PLEKHA6: variants seen among roughly 807,000 people sequenced by gnomAD.
PLEKHA6 encodes pleckstrin homology domain containing A6.
Under a neutral mutation model 116.7 loss-of-function variants are expected in PLEKHA6, and 60 were observed. The observed-to-expected ratio is 0.51, with a 90% CI of 0.42 to 0.64. The LOEUF is 0.64. Among genes scored for constraint, PLEKHA6 ranks in the 30% least tolerant of loss-of-function variants. The pLI is 0.00. For synonymous variants in PLEKHA6, 489 were observed against 556.1 expected, an observed-to-expected ratio of 0.88 and a Z score of 1.70; for missense variants, 1,338 against 1,422.7, an observed-to-expected ratio of 0.94 and a Z score of 0.96.
At chr1:204,368,057 G>C (rs187573671) in intron 2 of PLEKHA6, among the ~76,000 whole-genome samples, 16 of 152,328 alleles carry the variant, frequency 1.1e-4, no homozygotes, top group Admixed American at 9.8e-4. Flanking sequence ...AGCAAATAAT[G>C]AGAGATATGG....
At chr1:204,335,820 C>A (rs1330669532) in intron 1 of PLEKHA6, among the ~76,000 whole-genome samples, 1 of 152,128 alleles carries the variant, frequency 6.6e-6, no homozygotes, top group Non-Finnish European at 1.5e-5. Flanking sequence ...GGGCAGGGCA[C>A]ATCTGTACCT....
intron 1 of PLEKHA6, among the ~76,000 whole-genome samples, chr1:204,289,391 G>A (rs527655802): frequency 9.2e-5 from 14 of 152,260 alleles, no homozygotes; most frequent in Middle Eastern, 3.4e-3. Context: ...CCTCTTGCCA[G>A]CCCGGATTTA....
chr1:204,241,454 G>A lies in PLEKHA6; in HGVS notation c.2330C>T (p.Ser777Leu), dbSNP rs752795887. Residue 777 changes from serine (S) to leucine (L), a missense_variant, in exon 17 of 23, where the codon TCG becomes TTG. By Grantham distance (145) the Ser-to-Leu change is moderately radical (BLOSUM62 -2). Around this residue, in one of 3 missense-constraint regions of PLEKHA6, gnomAD observed 1,136 missense variants for 1,163.6 expected, o/e 0.98. Transcript: ENST00000272203. ...KVGVVPPRTK[S>L]PTDDEVTPSA... ...TGGGGTCACCTCATCATCAGTGGGCGATTTTGTCCGAGGGGGCACAACGCC... is the reference window on the plus strand; with the variant it reads ...TGGGGTCACCTCATCATCAGTGGGCAATTTTGTCCGAGGGGGCACAACGCC... 1.2e-5 allele frequency: 20 copies of A among 1,607,812 alleles called. No individual in the cohort carries two copies. Among genetic ancestry groups the A allele is most frequent in the Middle Eastern group, 1.7e-4 (1 of 6,040 alleles).
At chr1:204,336,138 A>G (rs1364886810) in intron 1 of PLEKHA6, among the ~76,000 whole-genome samples, 1 of 152,122 alleles carries the variant, frequency 6.6e-6, no homozygotes, top group African/African-American at 2.4e-5. Flanking sequence ...TCAGTGCGGC[A>G]TCCTAAACCC....
intron 1 of PLEKHA6, among the ~76,000 whole-genome samples, chr1:204,348,717 C>A (rs1225524191): frequency 1.2e-4 from 2 of 16,294 alleles, no homozygotes; most frequent in African/African-American, 3.3e-4. Flanking sequence ...GTGCCAAACC[C>A]CCCCCCCGCC....
chr1:204,322,734 T>C (rs1348142350), intron 1 of PLEKHA6, among the ~76,000 whole-genome samples: 1 of 152,142 alleles, frequency 6.6e-6, no homozygotes, highest in Admixed American at 6.5e-5. Context: ...CTCCTCCACA[T>C]TCCCCCAACC....
chr1:204,258,979 C>G (rs1488366526), intron 8 of PLEKHA6, among the ~76,000 whole-genome samples: 1 of 152,208 alleles, frequency 6.6e-6, no homozygotes, highest in Non-Finnish European at 1.5e-5. Flanking sequence ...TTCTGGGCTC[C>G]CCAGCACGCC....
intron 3 of PLEKHA6, among the ~76,000 whole-genome samples, chr1:204,270,552 T>G (rs1035177395): frequency 6.6e-6 from 1 of 152,224 alleles, no homozygotes; most frequent in African/African-American, 2.4e-5. Flanking sequence ...GGTCCCTCAT[T>G]CCTCTGTTCC....
Position 204,344,894 on chromosome 1 carries a change from G to C in PLEKHA6, c.-95+14800C>G, listed in dbSNP as rs752132366. Among the ~76,000 whole-genome samples the C allele has an allele frequency of 6.6e-5, 10 of 152,092 alleles. 1 individual carries two copies. The highest frequency in any genetic ancestry group is 2.1e-4 in the South Asian group (1 of 4,824). On this transcript the variant is annotated intron_variant, in intron 1 of 22. Transcript: ENST00000272203. ...AGAAACAAGCTGAAATCTAACCCAG[G>C]AAAAAATGTGGGTGTAAGAGTTCCA...
chr1:204,255,819 G>A (rs1386693401), intron 9 of PLEKHA6: 7 of 633,018 alleles, frequency 1.1e-5, no homozygotes, highest in African/African-American at 1.1e-4. Context: ...TGCCCTTGAG[G>A]AGTTCTCAGG....
chr1:204,362,080 G>A (rs190280272), upstream of PLEKHA6, among the ~76,000 whole-genome samples: 9 of 152,334 alleles, frequency 5.9e-5, no homozygotes, highest in East Asian at 1.7e-3. Flanking sequence ...AGCTTCAGGG[G>A]CATGAGAAGC....
chr1:204,367,583 C>T (rs1252244873), intron 3 of PLEKHA6, among the ~76,000 whole-genome samples: 3 of 152,182 alleles, frequency 2.0e-5, no homozygotes, highest in Non-Finnish European at 2.9e-5. Flanking sequence ...CTTACCAGGA[C>T]TGACACTGGT....
Position 204,257,501 on chromosome 1 carries a change from G to A in PLEKHA6, c.1376C>T (p.Ser459Leu). 6.3e-7 allele frequency: 1 copy of A among 1,585,252 alleles called. No homozygotes were observed. Residue 459 changes from serine to leucine, a missense_variant, in exon 9 of 23, where the codon TCA (serine) becomes TTA (leucine). Around this residue, in one of 3 missense-constraint regions of PLEKHA6, gnomAD observed 1,136 missense variants for 1,163.6 expected, o/e 0.98. Transcript: ENST00000272203. The surrounding 1 kb of genome is among the most constrained non-coding windows in gnomAD (Gnocchi z 6.5). ...ACGGCTGTAGGAGCCCTGGCTGGGT[G>A]AGCGGGGCACAGAGTGGGAGCGGGG... ...LQPRSHSVPRSPSQGSYSRAR... is the reference protein window; with the variant it reads ...LQPRSHSVPRLPSQGSYSRAR...
chr1:204,352,245 A>G (rs372158608), intron 1 of PLEKHA6, among the ~76,000 whole-genome samples: 3 of 150,164 alleles, frequency 2.0e-5, no homozygotes, highest in East Asian at 4.0e-4. Flanking sequence ...ATGGTGGCGC[A>G]TGCCTTGTAA....
At chr1:204,314,845 A>C (rs1462212501) in intron 1 of PLEKHA6, among the ~76,000 whole-genome samples, 1 of 152,138 alleles carries the variant, frequency 6.6e-6, no homozygotes, top group African/African-American at 2.4e-5. Context: ...TTTGGGGAGT[A>C]GGGAATAGTA....
chr1:204,345,084 G>T (rs890093191), intron 1 of PLEKHA6, among the ~76,000 whole-genome samples: 3 of 152,194 alleles, frequency 2.0e-5, no homozygotes, highest in Non-Finnish European at 2.9e-5. Context: ...GACATATGTG[G>T]ATGGAACATT....
intron 1 of PLEKHA6, among the ~76,000 whole-genome samples, chr1:204,320,127 C>CAT (rs1281720210): frequency 1.3e-5 from 2 of 152,182 alleles, no homozygotes; most frequent in Non-Finnish European, 2.9e-5. Flanking sequence ...CCTTTCCCAC[C>CAT]ATAAGGAAGG....
chr1:204,362,016 G>A (rs752852321), upstream of PLEKHA6, among the ~76,000 whole-genome samples: 7 of 152,204 alleles, frequency 4.6e-5, no homozygotes, highest in Admixed American at 1.3e-4. Flanking sequence ...CGAGTCCCAC[G>A]GATCCTTCGA....
chr1:204,266,911 G>GGGAGAGGGTGTTGGGGTCAGC (rs1424015064), intron 5 of PLEKHA6, among the ~76,000 whole-genome samples: 7 of 152,210 alleles, frequency 4.6e-5, no homozygotes, highest in Non-Finnish European at 1.0e-4. Context: ...ATAGAGAGTA[G>GGGAGAGGGTGTTGGGGTCAGC]GGAGAGGGTG....
Sources: allele counts gnomAD v4.1 joint callset (sites outside exome capture counted in the v4.1 genomes callset), GRCh38; gene constraint gnomAD v4.1.1; regional missense constraint gnomAD v4.1.1; non-coding constraint Gnocchi (gnomAD v3.1); transcripts MANE v1.5; gene names NCBI Gene and HGNC (gene_info 2026-07-23, HGNC 2026-07-21).